KIF3A: variants seen among roughly 807,000 people sequenced by gnomAD.
KIF3A encodes kinesin-like protein KIF3A.
In KIF3A, 27 loss-of-function variants were observed where a neutral mutation model predicts 92.6. The observed-to-expected ratio is 0.29, with a 90% confidence interval of 0.21 to 0.40. The LOEUF is 0.40. KIF3A is among the 10% of genes least tolerant of loss of function. The pLI, the probability that KIF3A is intolerant of heterozygous loss-of-function variation, is 1.00. For missense variants in KIF3A, 581 were observed against 872.6 expected, an observed-to-expected ratio of 0.67 and a Z score of 4.21; for synonymous variants, 250 against 275.4, an observed-to-expected ratio of 0.91 and a Z score of 0.92.
chr5:132,704,822 G>T (rs566463750), intron 11 of KIF3A, among the ~76,000 whole-genome samples: 16 of 151,878 alleles, frequency 1.1e-4, no homozygotes, highest in South Asian at 1.0e-3. Context: ...CAAGGAAAAA[G>T]AACTGAAAAA....
At chr5:132,716,156 G>T in intron 7 of KIF3A, 89 bp downstream of exon 7, 2 of 1,159,724 alleles carry the variant, frequency 1.7e-6, no homozygotes, top group Non-Finnish European at 1.2e-6. Flanking sequence ...AAATAATCAA[G>T]TTTAAAAAAT....
At chr5:132,689,262 G>A (rs1474458684), downstream of KIF3A, among the ~76,000 whole-genome samples, 2 of 152,192 alleles carry the variant, frequency 1.3e-5, no homozygotes, top group Non-Finnish European at 2.9e-5. Flanking sequence ...TTAAGTTCAG[G>A]CTGTGGCTTC....
In KIF3A at chr5:132,724,807, ATATATATATATATAT is replaced by A. The variant is rs1181173462; in HGVS notation, c.510+1306_510+1320del. The stretch of plus-strand genomic sequence containing the variant: ...TAAAGTATAATAAAAAAAAAAAAAA[ATATATATATATATAT>A]ATATATATATATATATATATATATA... On this transcript the variant is annotated intron_variant, in intron 4 of 18. Coordinates refer to ENST00000403231, the MANE Select transcript of KIF3A (RefSeq NM_001300791.2). 5.7e-3 allele frequency among the ~76,000 whole-genome samples: 171 copies of A among 30,102 alleles called. 9 individuals carry two copies. The highest frequency in any genetic ancestry group is 0.018 in the African/African-American group (161 of 8,840). 19.7% of individuals were successfully genotyped at this position (30,102 alleles called of 152,430 possible).
rs534359786 is a variant in KIF3A at position 132,702,243 on chromosome 5, C to A, written c.1759-31G>T. ...AGAAAATCCATAAAAATATTATGAA[C>A]AAACAAGACTTTAACTACAAAACAG... On this transcript the variant is annotated intron_variant, in intron 14 of 18. Transcript: ENST00000403231. 14 of 1,608,360 alleles carry A rather than the reference C, an allele frequency of 8.7e-6. No homozygotes were observed. The East Asian group carries it at 3.1e-4, about 36-fold the overall frequency.
chr5:132,698,694 T>A (rs1400367113), intron 18 of KIF3A, among the ~76,000 whole-genome samples: 1 of 152,082 alleles, frequency 6.6e-6, no homozygotes, highest in Non-Finnish European at 1.5e-5. Context: ...TTGGCCAGAT[T>A]TTATTTACTC....
intron 8 of KIF3A, among the ~76,000 whole-genome samples, chr5:132,712,969 C>A (rs1449448970): frequency 6.6e-6 from 1 of 152,102 alleles, no homozygotes; most frequent in African/African-American, 2.4e-5. Context: ...ACCATCCTGG[C>A]AAACATGGTG....
At chr5:132,731,945 G>A (rs1181533758) in intron 2 of KIF3A, among the ~76,000 whole-genome samples, 1 of 152,000 alleles carries the variant, frequency 6.6e-6, no homozygotes, top group African/African-American at 2.4e-5. Flanking sequence ...TCCCGACCTC[G>A]TGATCTGCCT....
At chr5:132,700,331 T>C (rs1483463350) in intron 16 of KIF3A, 47 bp from the exon 17 acceptor site, 23 of 1,113,062 alleles carry the variant, frequency 2.1e-5, no homozygotes, top group African/African-American at 3.1e-5. Context: ...TAATTAGTAA[T>C]CAATACTGTG....
intron 12 of KIF3A, 61 bp from the exon 13 acceptor site, chr5:132,703,126 T>G: frequency 7.1e-7 from 1 of 1,404,958 alleles, no homozygotes; most frequent in Non-Finnish European, 9.7e-7. Context: ...ACTAATATCA[T>G]TTCCCAAAAT....
intron 8 of KIF3A, among the ~76,000 whole-genome samples, chr5:132,711,770 A>G (rs1386855640): frequency 6.6e-6 from 1 of 152,204 alleles, no homozygotes; most frequent in Non-Finnish European, 1.5e-5. Context: ...TGTATTTTTA[A>G]GAGACACAGA....
rs1435441082 is a variant in KIF3A at position 132,696,264 on chromosome 5, A to AG, written c.*369dup. 1 of 144,958 alleles carries AG rather than the reference A, an allele frequency of 6.9e-6. No individual in the cohort carries two copies. The highest frequency in any genetic ancestry group is 3.6e-4 in the East Asian group (1 of 2,774). The allele number at this position is 144,958 out of a possible 1,614,324, so 9.0% of individuals were successfully genotyped here. ...TCTTTCTATGTGCAAAACAGGACAC[A>AG]GTTTTTTTTTTTCTATTTTGAAATT... is the stretch of plus-strand genomic sequence containing the variant. On this transcript the variant is annotated 3_prime_UTR_variant, in exon 19 of 19. Transcript: ENST00000403231.
chr5:132,703,898 A>G (rs1273240055), intron 11 of KIF3A, among the ~76,000 whole-genome samples: 1 of 151,806 alleles, frequency 6.6e-6, no homozygotes, highest in Non-Finnish European at 1.5e-5. Context: ...AAATAATAGG[A>G]AAAGAAAGAT....
At chr5:132,727,084 AGT>A (rs1447163288) in intron 2 of KIF3A, among the ~76,000 whole-genome samples, 1 of 152,232 alleles carries the variant, frequency 6.6e-6, no homozygotes, top group East Asian at 1.9e-4. Context: ...TCCTAAAATA[AGT>A]GTGTTTTTAA....
At chr5:132,724,915 C>T (rs890219163) in intron 4 of KIF3A, among the ~76,000 whole-genome samples, 27 of 137,998 alleles carry the variant, frequency 2.0e-4, no homozygotes, top group African/African-American at 6.8e-4. Flanking sequence ...AACTCCCTGG[C>T]ATAACAGGAA....
chr5:132,735,268 T>C (rs1246788154), intron 1 of KIF3A, among the ~76,000 whole-genome samples: 1 of 152,264 alleles, frequency 6.6e-6, no homozygotes, highest in East Asian at 1.9e-4. Flanking sequence ...AGAGACGGAA[T>C]TTCATCATGT....
chr5:132,701,063 C>T (rs1321843022), intron 15 of KIF3A, among the ~76,000 whole-genome samples: 1 of 151,146 alleles, frequency 6.6e-6, no homozygotes, highest in African/African-American at 2.4e-5. Flanking sequence ...TAAATAAAAG[C>T]AGGCCATCCA....
chr5:132,714,250 T>C (rs138380631), intron 8 of KIF3A, among the ~76,000 whole-genome samples: 466 of 152,262 alleles, frequency 3.1e-3, no homozygotes, highest in Non-Finnish European at 5.4e-3. Flanking sequence ...CAAAGCAGAA[T>C]GGTTGTTGGC....
In KIF3A at chr5:132,702,617, G is replaced by T; in HGVS notation, c.1699C>A (p.Gln567Lys). Residue 567 changes from glutamine (Q) to lysine (K), a missense_variant, in exon 14 of 19, where the codon CAG becomes AAG. Coordinates refer to ENST00000403231, the MANE Select transcript of KIF3A (RefSeq NM_001300791.2). ...TTCTTTAACTTCTTGGTCTTTCCCT[G>T]TGCTTCCTCTTGCAAACTGGTATAT... ...EKYTSLQEEA[Q>K]GKTKKLKKVW... 1 of 1,613,272 alleles carries T rather than the reference G, an allele frequency of 6.2e-7. No homozygotes were observed. Among genetic ancestry groups the T allele is most frequent in the South Asian group, 1.1e-5 (1 of 90,988 alleles).
chr5:132,711,785 T>A (rs1220944977), intron 8 of KIF3A, among the ~76,000 whole-genome samples: 1 of 152,166 alleles, frequency 6.6e-6, no homozygotes, highest in East Asian at 1.9e-4. Context: ...CACAGAACTG[T>A]CATGTAACAA....
Sources: gnomAD v4.1 joint callset for allele counts (sites outside exome capture counted in the v4.1 genomes callset) on GRCh38, gnomAD v4.1.1 for gene constraint, MANE v1.5 for transcripts, NCBI Gene and HGNC (gene_info 2026-07-23, HGNC 2026-07-21) for gene names.